The following TRAF3IP1 variants were observed in gnomAD, a reference collection of about 807,000 sequenced individuals.
The protein encoded by TRAF3IP1 is TRAF3-interacting protein 1.
In TRAF3IP1, 53 loss-of-function variants were observed where a neutral mutation model predicts 89.9. The ratio of observed to expected loss-of-function variants is 0.59; its 90% confidence interval spans 0.47 to 0.74. The LOEUF is 0.74. Ranked by LOEUF, TRAF3IP1 falls within the 30% of genes least tolerant of loss-of-function variation. TRAF3IP1 has a pLI of 0.00. For synonymous variants in TRAF3IP1, 311 were observed against 322.1 expected (o/e 0.97, Z 0.37); for missense variants, 806 against 866.1 (o/e 0.93, Z 0.87).
Position 238,356,030 on chromosome 2 carries a change from A to G in TRAF3IP1, c.1639A>G (p.Thr547Ala). 6.2e-7 allele frequency: 1 copy of G among 1,613,780 alleles called. No individual in the cohort carries two copies. Among genetic ancestry groups the G allele is most frequent in the South Asian group, 1.1e-5 (1 of 91,072 alleles). ...TGGACTTGTGAAAAAAATTTTGGAG[A>G]CGAAGAAAGATTATGAGAAATTGCA... is the stretch of plus-strand genomic sequence containing the variant. ...HGGLVKKILE[T>A]KKDYEKLQQS... is the part of the protein sequence containing the mutation. The change falls in exon 15 of 17, where the codon ACG (threonine) becomes GCG (alanine). Residue 547 changes from threonine (T) to alanine (A), a missense_variant. By Grantham distance (58) the Thr-to-Ala change is moderately conservative (BLOSUM62 0). Transcript: ENST00000373327.
intron 5 of TRAF3IP1, among the ~76,000 whole-genome samples, chr2:238,329,561 AT>A: frequency 6.6e-6 from 1 of 152,306 alleles, no homozygotes. Flanking sequence ...ATAGAAGTTT[AT>A]TGTTCAGCCA....
chr2:238,356,870 C>T lies in TRAF3IP1; in HGVS notation c.1689+790C>T, dbSNP rs560632472. On this transcript the variant is annotated intron_variant, in intron 15 of 16. Coordinates refer to ENST00000373327, the MANE Select transcript of TRAF3IP1 (RefSeq NM_015650.4). ...CTCGGCTCACTGCAAGCTCCGCCTC[C>T]CGGGTTCACGCCATTCTCCTGCCTC... Among the ~76,000 whole-genome samples, 326 of 152,004 alleles carry T rather than the reference C, an allele frequency of 2.1e-3. 1 individual carries two copies. The highest frequency in any genetic ancestry group is 7.4e-3 in the African/African-American group (305 of 41,448).
intron 5 of TRAF3IP1, among the ~76,000 whole-genome samples, chr2:238,329,710 G>C (rs1574895634): frequency 1.3e-5 from 2 of 152,220 alleles, no homozygotes; most frequent in African/African-American, 4.8e-5. Flanking sequence ...TGCCCAGTCT[G>C]ATAGAGTGTC....
Position 238,325,312 on chromosome 2 carries a change from A to G in TRAF3IP1, c.130A>G (p.Arg44Gly), listed in dbSNP as rs1559352816. ...YLHDIITEVI[R>G]MTGFMKGLYT... ...CTTTCTTTCTCTCTTGAAGGTGATT[A>G]GAATGACTGGTTTCATGAAGGGCCT... Residue 44 changes from arginine (R) to glycine (G), a missense_variant, in exon 2 of 17, where the codon AGA becomes GGA. Physicochemically the swap from Arg to Gly is moderately radical, Grantham distance 125. Around this residue, in one of 3 missense-constraint regions of TRAF3IP1, gnomAD observed 732 missense variants for 780.5 expected, o/e 0.94. Transcript: ENST00000373327. The G allele has an allele frequency of 6.2e-7, 1 of 1,614,152 alleles. No homozygotes were observed. The highest frequency in any genetic ancestry group is 1.1e-5 in the South Asian group (1 of 91,078).
rs201098281 is a variant in TRAF3IP1, at chr2:238,328,712, G to C, written c.381G>C (p.Arg127Ser). ...TCTCTAGTGACGATGCGGTGCGGAG[G>C]GTTTTAGCTGGAGAGAAGGGAGAAG... The part of the protein sequence containing the change: ...NKLSSDDAVR[R>S]VLAGEKGEVK... The change falls in exon 4 of 17, where the codon AGG (arginine) becomes AGC (serine). Residue 127 changes from arginine (R) to serine (S), a missense_variant. Coordinates refer to ENST00000373327, the MANE Select transcript of TRAF3IP1 (RefSeq NM_015650.4). 276 of 1,613,802 alleles carry C rather than the reference G, an allele frequency of 1.7e-4. No individual in the cohort carries two copies. Among genetic ancestry groups the C allele is most frequent in the Non-Finnish European group, 2.2e-4 (255 of 1,179,960 alleles).
chr2:238,366,783 A>AGTAGT (rs934381736), intron 15 of TRAF3IP1, among the ~76,000 whole-genome samples: 8 of 152,176 alleles, frequency 5.3e-5, no homozygotes, highest in African/African-American at 1.9e-4. Context: ...TCAGTTTCTA[A>AGTAGT]GTAGTGTAGA....
chr2:238,365,948 T>TA (rs768549235), intron 15 of TRAF3IP1, among the ~76,000 whole-genome samples: 2 of 152,294 alleles, frequency 1.3e-5, no homozygotes, highest in African/African-American at 2.4e-5. Flanking sequence ...CATTATCTTA[T>TA]AAAAAATCAG....
At chr2:238,374,433 G>C (rs747716817) in intron 15 of TRAF3IP1, among the ~76,000 whole-genome samples, 1 of 152,180 alleles carries the variant, frequency 6.6e-6, no homozygotes, top group Non-Finnish European at 1.5e-5. Flanking sequence ...TACGTTTATT[G>C]ATTTGTGTGT....
At chr2:238,383,516 G>A (rs1332239482) in intron 15 of TRAF3IP1, among the ~76,000 whole-genome samples, 2 of 152,210 alleles carry the variant, frequency 1.3e-5, no homozygotes, top group Admixed American at 6.5e-5. Flanking sequence ...GGCCCCTGCT[G>A]ACTTTGGTGC....
At chr2:238,393,068 G>A (rs954748099) in intron 15 of TRAF3IP1, among the ~76,000 whole-genome samples, 2 of 152,188 alleles carry the variant, frequency 1.3e-5, no homozygotes, top group Non-Finnish European at 2.9e-5. Flanking sequence ...GTGTCCAGGA[G>A]TACAACTGTT....
intron 14 of TRAF3IP1, among the ~76,000 whole-genome samples, chr2:238,354,955 C>CT (rs541254820): frequency 0.065 from 9,366 of 144,604 alleles, 388 homozygotes; most frequent in Non-Finnish European, 0.088. Flanking sequence ...AGCCCAAGGA[C>CT]TTTTTTTTTT....
At position 238,394,981 on chromosome 2, in the gene TRAF3IP1, A is replaced by G. The variant is rs1701145214; in HGVS notation, c.1690-2478A>G. On this transcript the variant is annotated intron_variant, in intron 15 of 16. Transcript: ENST00000373327. ...AAGTTGATTTGTTACAACTGAGTGC[A>G]TTTACTAGCTCATTCTGTAAGTGGG... Among the ~76,000 whole-genome samples the G allele has an allele frequency of 2.0e-5, 3 of 152,052 alleles. No homozygotes were observed. In the South Asian group the frequency reaches 6.2e-4, roughly 31 times the overall value.
At chr2:238,325,772 T>C (rs2106359148) in intron 2 of TRAF3IP1, 37 bp from the exon 3 acceptor site, 3 of 1,583,010 alleles carry the variant, frequency 1.9e-6, no homozygotes, top group Non-Finnish European at 2.6e-6. Flanking sequence ...CTCTTCAAAG[T>C]ATTGTAATAT....
chr2:238,335,677 G>A (rs1054794401), intron 7 of TRAF3IP1, among the ~76,000 whole-genome samples: 5 of 152,114 alleles, frequency 3.3e-5, no homozygotes, highest in Non-Finnish European at 7.3e-5. Flanking sequence ...TCAGCTTAGT[G>A]AAGGTGTCCC....
In TRAF3IP1 at chr2:238,320,738, C is replaced by A. The variant is rs1330851033; in HGVS notation, c.76C>A (p.Leu26Met). The change falls in exon 1 of 17, where the codon CTG (leucine) becomes ATG (methionine). Residue 26 changes from leucine (L) to methionine (M), a missense_variant. By Grantham distance (15) the Leu-to-Met change is conservative. This residue lies in a region of TRAF3IP1 where 732 missense variants were observed against 780.5 expected (regional missense o/e 0.94). Transcript: ENST00000373327. ...TCGGAGGCCGCCGCTGACCGAGAAG[C>A]TGCTGAGCAAGCCCCCGTTCCGCTA... Reference protein sequence around the residue: ...VIRRPPLTEKLLSKPPFRYLH... With the variant: ...VIRRPPLTEKMLSKPPFRYLH... 1 of 1,448,564 alleles carries A rather than the reference C, an allele frequency of 6.9e-7. No individual in the cohort carries two copies. The highest frequency in any genetic ancestry group is 9.2e-7 in the Non-Finnish European group (1 of 1,089,260). The allele number at this position is 1,448,564 out of a possible 1,614,324, so 89.7% of individuals were successfully genotyped here.
At chr2:238,344,854 G>GGGGT in intron 9 of TRAF3IP1, 1 of 617,420 alleles carries the variant, frequency 1.6e-6, no homozygotes, top group Non-Finnish European at 3.0e-6. Flanking sequence ...CATCACTTGG[G>GGGGT]GGGTGTCATG....
intron 15 of TRAF3IP1, among the ~76,000 whole-genome samples, chr2:238,380,370 T>C (rs1314281615): frequency 6.6e-6 from 1 of 151,886 alleles, no homozygotes. Context: ...ACCCAGAAAA[T>C]ATGGTGTCTT....
chr2:238,392,337 A>ACT (rs747158480), intron 15 of TRAF3IP1, among the ~76,000 whole-genome samples: 10 of 152,132 alleles, frequency 6.6e-5, no homozygotes, highest in Non-Finnish European at 1.5e-4. Context: ...GATCCAGAAC[A>ACT]TTTGTATCAC....
At chr2:238,372,135 T>C (rs1171715874) in intron 15 of TRAF3IP1, among the ~76,000 whole-genome samples, 1 of 152,170 alleles carries the variant, frequency 6.6e-6, no homozygotes, top group African/African-American at 2.4e-5. Context: ...CACTTTCTTT[T>C]TCATTTTTAT....
Sources: gnomAD v4.1 joint callset for allele counts (sites outside exome capture counted in the v4.1 genomes callset) on GRCh38, gnomAD v4.1.1 for gene constraint, gnomAD v4.1.1 regional missense constraint, MANE v1.5 for transcripts, NCBI Gene and HGNC (gene_info 2026-07-23, HGNC 2026-07-21) for gene names.